The following DSG4 variants were observed in gnomAD, a reference collection of about 807,000 sequenced individuals.
DSG4 encodes desmoglein 4.
A neutral mutation model predicts 93.1 loss-of-function variants in DSG4; 87 were observed. The ratio of observed to expected loss-of-function variants is 0.93; its 90% CI spans 0.79 to 1.12. The LOEUF (loss-of-function observed/expected upper bound fraction) is 1.12, where lower values mean the gene tolerates loss of function less well. Among genes scored for constraint, DSG4 ranks in the 50% most tolerant of loss-of-function variants. The pLI is 0.00. For synonymous variants in DSG4, 432 were observed against 452.9 expected, an observed-to-expected ratio of 0.95 and a Z score of 0.59; for missense variants, 1,373 against 1,285.7, an observed-to-expected ratio of 1.07 and a Z score of -1.04.
At chr18:31,412,396 G>C (rs556456655) in intron 15 of DSG4, among the ~76,000 whole-genome samples, 1 of 152,270 alleles carries the variant, frequency 6.6e-6, no homozygotes, top group South Asian at 2.1e-4. Flanking sequence ...GAAACAGTGG[G>C]ATGGTTAATA....
intron 2 of DSG4, 144 bp downstream of exon 2, chr18:31,385,315 C>T (rs971641520): frequency 3.5e-5 from 22 of 623,958 alleles, no homozygotes; most frequent in Admixed American, 2.2e-4. Context: ...ACTGAAATAG[C>T]GATGGTAAAA....
chr18:31,378,904 T>C (rs988348630), intron 1 of DSG4, among the ~76,000 whole-genome samples: 1 of 152,266 alleles, frequency 6.6e-6, no homozygotes, highest in African/African-American at 2.4e-5. Flanking sequence ...CCCTTCTTCA[T>C]TAACTAAATC....
intron 2 of DSG4, among the ~76,000 whole-genome samples, chr18:31,386,031 C>T (rs574414883): frequency 6.6e-6 from 1 of 152,218 alleles, no homozygotes; most frequent in South Asian, 2.1e-4. Context: ...ATAGCAGCAA[C>T]TTAAGGCTAC....
At chr18:31,403,686 A>G (rs1205402170) in intron 11 of DSG4, 52 bp downstream of exon 11, 1 of 1,550,224 alleles carries the variant, frequency 6.5e-7, no homozygotes, top group Non-Finnish European at 8.9e-7. Context: ...AAGCAAAACA[A>G]TTACCAAAAA....
chr18:31,399,261 T>C lies in DSG4; in HGVS notation c.1006-11T>C, dbSNP rs766747911. ...TGCTGTTTCAGAGTTTTTTATTTTC[T>C]TTCATTTCAGATGCTGGATTATGAA... On this transcript the variant is annotated splice_polypyrimidine_tract_variant and intron_variant, in intron 8 of 15. Transcript: ENST00000308128. 17 of 1,613,706 alleles carry C rather than the reference T, an allele frequency of 1.1e-5. No individual in the cohort carries two copies. Among genetic ancestry groups the C allele is most frequent in the Non-Finnish European group, 1.4e-5 (16 of 1,179,884 alleles).
intron 11 of DSG4, among the ~76,000 whole-genome samples, chr18:31,405,142 G>T (rs1415244548): frequency 6.6e-6 from 1 of 152,154 alleles, no homozygotes; most frequent in Non-Finnish European, 1.5e-5. Flanking sequence ...AAAAAATATT[G>T]TGTGCTATGG....
intron 14 of DSG4, among the ~76,000 whole-genome samples, chr18:31,410,516 T>G (rs2072475504): frequency 1.3e-5 from 2 of 150,238 alleles, no homozygotes; most frequent in Middle Eastern, 3.4e-3. Flanking sequence ...ATACAAGCTG[T>G]TTTTTTTTAA....
At chr18:31,397,234 A>G (rs970516298) in intron 8 of DSG4, among the ~76,000 whole-genome samples, 3 of 152,186 alleles carry the variant, frequency 2.0e-5, no homozygotes, top group Admixed American at 2.0e-4. Context: ...TGGATGTGTT[A>G]TCTTCATCCT....
intron 1 of DSG4, chr18:31,382,385 T>A (rs2072145205): frequency 6.6e-6 from 1 of 152,234 alleles, no homozygotes; most frequent in Non-Finnish European, 1.5e-5. Flanking sequence ...AGCTCCTTGT[T>A]CTATTCTTTC....
Position 31,411,373 on chromosome 18 carries a change from C to G in DSG4, c.2280C>G (p.Ser760Arg), listed in dbSNP as rs1439319371. The G allele has an allele frequency of 3.1e-6, 5 of 1,614,126 alleles. No individual in the cohort carries two copies. Among genetic ancestry groups the G allele is most frequent in the Non-Finnish European group, 4.2e-6 (5 of 1,180,024 alleles). ...AGASGAARKR[S>R]STMGTLRDYA... Reference sequence around the variant, plus strand: ...CCTCAGGGGCCGCAAGGAAGAGGAGCTCTACCATGGGAACCCTGCGGGACT... The same window carrying G: ...CCTCAGGGGCCGCAAGGAAGAGGAGGTCTACCATGGGAACCCTGCGGGACT... The change falls in exon 15 of 16, where the codon AGC (serine) becomes AGG (arginine). Residue 760 changes from serine (S) to arginine (R), a missense_variant. Coordinates refer to ENST00000308128, the MANE Select transcript of DSG4 (RefSeq NM_177986.5).
chr18:31,383,513 A>G (rs965220854), intron 1 of DSG4, among the ~76,000 whole-genome samples: 5 of 152,094 alleles, frequency 3.3e-5, no homozygotes, highest in African/African-American at 1.2e-4. Flanking sequence ...GTTTAAAACT[A>G]GAGTTTTTTA....
At chr18:31,405,603 G>T (rs761846977) in intron 11 of DSG4, among the ~76,000 whole-genome samples, 8 of 151,816 alleles carry the variant, frequency 5.3e-5, no homozygotes, top group Admixed American at 1.3e-4. Context: ...AGTAAAAAAG[G>T]CCAGGCAGAA....
chr18:31,384,485 T>C (rs1464187425), intron 1 of DSG4, among the ~76,000 whole-genome samples: 1 of 152,162 alleles, frequency 6.6e-6, no homozygotes, highest in Non-Finnish European at 1.5e-5. Context: ...GAAAATATAT[T>C]CCAGTAGGAT....
intron 8 of DSG4, among the ~76,000 whole-genome samples, chr18:31,396,106 G>A (rs907144201): frequency 3.3e-5 from 5 of 151,714 alleles, no homozygotes; most frequent in Non-Finnish European, 5.9e-5. Flanking sequence ...ATATGAAAAC[G>A]CAAGCAATAA....
chr18:31,384,201 T>C (rs901176641), intron 1 of DSG4, among the ~76,000 whole-genome samples: 2 of 152,186 alleles, frequency 1.3e-5, no homozygotes, highest in African/African-American at 4.8e-5. Context: ...CATCCCTGTG[T>C]TTTCAATGCA....
At position 31,401,015 on chromosome 18, in the gene DSG4, T is replaced by A; in HGVS notation, c.1412T>A (p.Ile471Lys). Residue 471 changes from isoleucine (I) to lysine (K), a missense_variant, in exon 10 of 16, where the codon ATA (isoleucine) becomes AAA (lysine). Physicochemically the swap from Ile to Lys is moderately radical, Grantham distance 102. Coordinates refer to ENST00000308128, the MANE Select transcript of DSG4 (RefSeq NM_177986.5). ...ATATACACAGCAGAGATCCTGGCTA[T>A]AGATGGTAAGAAAATTTATTTTCAG... ...NGIYTAEILAIDDGSGKTATG... is the reference protein window; with the variant it reads ...NGIYTAEILAKDDGSGKTATG... The A allele has an allele frequency of 6.3e-7, 1 of 1,595,912 alleles. No homozygotes were observed. The highest frequency in any genetic ancestry group is 8.5e-7 in the Non-Finnish European group (1 of 1,171,300).
At chr18:31,403,757 C>G in intron 11 of DSG4, 123 bp downstream of exon 11, 1 of 877,180 alleles carries the variant, frequency 1.1e-6, no homozygotes, top group Non-Finnish European at 1.8e-6. Flanking sequence ...GCCATATTAA[C>G]ATTAAATGAA....
intron 8 of DSG4, among the ~76,000 whole-genome samples, chr18:31,393,235 T>A (rs571096299): frequency 6.6e-6 from 1 of 152,342 alleles, no homozygotes; most frequent in South Asian, 2.1e-4. Context: ...TACTACACAG[T>A]GTGATTGTGG....
At chr18:31,378,363 A>T (rs2072099662) in intron 1 of DSG4, among the ~76,000 whole-genome samples, 1 of 152,208 alleles carries the variant, frequency 6.6e-6, no homozygotes, top group Non-Finnish European at 1.5e-5. Context: ...GAGTATATTC[A>T]TGCTTTGACT....
Sources: gnomAD v4.1 joint callset for allele counts (sites outside exome capture counted in the v4.1 genomes callset) on GRCh38, gnomAD v4.1.1 for gene constraint, MANE v1.5 for transcripts, NCBI Gene and HGNC (gene_info 2026-07-23, HGNC 2026-07-21) for gene names.